Variants in PLCB4 observed in about 807,000 individuals in gnomAD.
PLCB4 encodes phospholipase C beta 4, also known as 1-phosphatidylinositol 4,5-bisphosphate phosphodiesterase beta-4.
A neutral mutation model predicts 178.8 loss-of-function variants in PLCB4; 77 were observed. The observed-to-expected ratio is 0.43, with a 90% CI of 0.36 to 0.52. The LOEUF (loss-of-function observed/expected upper bound fraction) is 0.52, where lower values mean the gene tolerates loss of function less well. Ranked by LOEUF, PLCB4 falls within the 20% of genes least tolerant of loss-of-function variation. The pLI is 0.00. For synonymous variants in PLCB4, 496 were observed against 490.8 expected (o/e 1.01, Z -0.14); for missense variants, 1,024 against 1,453.4 (o/e 0.70, Z 4.80).
chr20:9,117,960 T>A (rs904506621), intron 2 of PLCB4, among the ~76,000 whole-genome samples: 8 of 152,186 alleles, frequency 5.3e-5, no homozygotes, highest in Non-Finnish European at 1.2e-4. Context: ...TATATAAGCT[T>A]GCTTATTATT....
At chr20:9,140,174 G>T (rs917315843) in intron 2 of PLCB4, among the ~76,000 whole-genome samples, 1 of 151,796 alleles carries the variant, frequency 6.6e-6, no homozygotes. Flanking sequence ...CCTCTCTCCC[G>T]GTCCCTATCT....
chr20:9,070,420 A>C (rs1359584311), intron 1 of PLCB4, among the ~76,000 whole-genome samples: 1 of 152,184 alleles, frequency 6.6e-6, no homozygotes, highest in African/African-American at 2.4e-5. Context: ...TACTCTTCAA[A>C]TTTGAGTGGC....
intron 15 of PLCB4, among the ~76,000 whole-genome samples, 189 bp from the exon 16 acceptor site, chr20:9,389,690 C>T (rs144675805): frequency 6.7e-4 from 102 of 152,264 alleles, no homozygotes; most frequent in African/African-American, 2.4e-3. Context: ...TTGTCATTAA[C>T]CATTAACTGC....
Position 9,479,227 on chromosome 20 carries a change from T to A in PLCB4, c.*218T>A. On this transcript the variant is annotated 3_prime_UTR_variant, in exon 40 of 40. Coordinates refer to ENST00000378473, the MANE Select transcript of PLCB4 (RefSeq NM_001377142.1). ...CTACAAATCCACAAAAATTTACTAT[T>A]CCAGTAAGGCAGAGTCCAACCATTG... is the stretch of plus-strand genomic sequence containing the variant. 3.6e-6 allele frequency: 2 copies of A among 555,160 alleles called. No individual in the cohort carries two copies. The highest frequency in any genetic ancestry group is 6.5e-6 in the Non-Finnish European group (2 of 309,572). The allele number at this position is 555,160 out of a possible 1,614,324, so 34.4% of individuals were successfully genotyped here.
Position 9,338,876 on chromosome 20 carries a change from C to A in PLCB4, c.226-18C>A, listed in dbSNP as rs751007944. 8.2e-6 allele frequency: 13 copies of A among 1,591,860 alleles called. No homozygotes were observed. In the South Asian group the frequency reaches 1.5e-4, roughly 18 times the overall value. On this transcript the variant is annotated intron_variant, in intron 6 of 39. Transcript: ENST00000378473. ...TGATGTAACTTATTTTTTTTTCTAT[C>A]TGTGTACCTCTATACAGGATCCCAA...
At chr20:9,171,970 T>C (rs1453064185) in intron 2 of PLCB4, among the ~76,000 whole-genome samples, 9 of 152,038 alleles carry the variant, frequency 5.9e-5, no homozygotes, top group South Asian at 2.1e-4. Flanking sequence ...CCTGTCAACT[T>C]GTCAAGAACA....
chr20:9,397,041 G>T (rs2038644045), intron 19 of PLCB4, among the ~76,000 whole-genome samples: 2 of 152,156 alleles, frequency 1.3e-5, no homozygotes, highest in Admixed American at 1.3e-4. Context: ...GTAGCATGCA[G>T]TGCCATTTGA....
At chr20:9,299,964 A>G (rs990487422) in intron 3 of PLCB4, among the ~76,000 whole-genome samples, 1 of 152,094 alleles carries the variant, frequency 6.6e-6, no homozygotes, top group Non-Finnish European at 1.5e-5. Context: ...TGAAAAGGTT[A>G]TTTAATGGCT....
At chr20:9,193,741 G>C (rs1166779270) in intron 2 of PLCB4, among the ~76,000 whole-genome samples, 1 of 152,062 alleles carries the variant, frequency 6.6e-6, no homozygotes, top group African/African-American at 2.4e-5. Context: ...GTATATAATA[G>C]ACAAATAATA....
intron 32 of PLCB4, among the ~76,000 whole-genome samples, chr20:9,446,303 G>A (rs1320645975): frequency 1.3e-5 from 2 of 152,198 alleles, no homozygotes; most frequent in African/African-American, 4.8e-5. Context: ...TGTAGGATAT[G>A]GGATGCTCAC....
Position 9,168,726 on chromosome 20 carries a change from C to T in PLCB4, c.-78-48664C>T, listed in dbSNP as rs1449850700. 5.3e-5 allele frequency among the ~76,000 whole-genome samples: 8 copies of T among 152,134 alleles called. 1 individual carries two copies. Among genetic ancestry groups the T allele is most frequent in the South Asian group, 4.1e-4 (2 of 4,826 alleles). On this transcript the variant is annotated intron_variant, in intron 2 of 39. Transcript: ENST00000378473. ...CTGTCCATAGTGGGCAGTCAGTTTG[C>T]GAAGCTCATGACTGAGATGTGATTG...
intron 24 of PLCB4, among the ~76,000 whole-genome samples, chr20:9,410,013 G>T (rs2039743750): frequency 6.6e-6 from 1 of 152,138 alleles, no homozygotes; most frequent in South Asian, 2.1e-4. Flanking sequence ...GCTATTAAGA[G>T]AACTGCCCAT....
At chr20:9,121,406 C>T (rs961111923) in intron 2 of PLCB4, among the ~76,000 whole-genome samples, 2 of 152,078 alleles carry the variant, frequency 1.3e-5, no homozygotes, top group Non-Finnish European at 2.9e-5. Context: ...TCTATTTTTG[C>T]CCTAATTTCT....
At chr20:9,264,465 CA>C (rs376565225) in intron 3 of PLCB4, among the ~76,000 whole-genome samples, 120 of 152,242 alleles carry the variant, frequency 7.9e-4, no homozygotes, top group African/African-American at 2.7e-3. Context: ...ATTCTGTGGG[CA>C]ATCAGGTGGC....
intron 12 of PLCB4, among the ~76,000 whole-genome samples, chr20:9,377,415 G>A (rs1411003386): frequency 6.6e-6 from 1 of 152,138 alleles, no homozygotes; most frequent in African/African-American, 2.4e-5. Flanking sequence ...AGATCAGCTG[G>A]AAGTGATCCT....
At chr20:9,305,673 T>C (rs1008445710) in intron 3 of PLCB4, among the ~76,000 whole-genome samples, 1 of 152,316 alleles carries the variant, frequency 6.6e-6, no homozygotes, top group African/African-American at 2.4e-5. Context: ...TATAATACAT[T>C]AAATTTTTCA....
chr20:9,086,019 C>CT (rs1234376339), intron 1 of PLCB4, among the ~76,000 whole-genome samples: 1 of 151,916 alleles, frequency 6.6e-6, no homozygotes, highest in African/African-American at 2.4e-5. Flanking sequence ...TGTTTAAACT[C>CT]TTTTTTTGAG....
chr20:9,316,878 C>G (rs1417942051), intron 4 of PLCB4, among the ~76,000 whole-genome samples: 1 of 152,214 alleles, frequency 6.6e-6, no homozygotes, highest in African/African-American at 2.4e-5. Context: ...ATAATATTAT[C>G]TGGTCTCTCA....
At chr20:9,123,311 A>G (rs191845199) in intron 2 of PLCB4, among the ~76,000 whole-genome samples, 32 of 152,174 alleles carry the variant, frequency 2.1e-4, no homozygotes, top group Non-Finnish European at 8.8e-5. Context: ...TGCAGCTTGT[A>G]AATATGGCCT....
Sources: allele counts gnomAD v4.1 joint callset (sites outside exome capture counted in the v4.1 genomes callset), GRCh38; gene constraint gnomAD v4.1.1; transcripts MANE v1.5; gene names NCBI Gene and HGNC (gene_info 2026-07-23, HGNC 2026-07-21).